Variants in PIK3C2G observed in about 807,000 individuals in gnomAD.
The protein encoded by PIK3C2G is phosphatidylinositol-4-phosphate 3-kinase catalytic subunit type 2 gamma, also known as phosphatidylinositol 3-kinase C2 domain-containing subunit gamma.
PIK3C2G carries 168 observed loss-of-function variants against 181.1 expected under a neutral mutation model. The observed-to-expected ratio is 0.93, with a 90% CI of 0.82 to 1.05. The LOEUF (loss-of-function observed/expected upper bound fraction) is 1.05, where lower values mean the gene tolerates loss of function less well. Ranked by LOEUF, PIK3C2G falls within the 50% of genes least tolerant of loss-of-function variation. PIK3C2G has a pLI of 0.00. For synonymous variants in PIK3C2G, 573 were observed against 592.2 expected (o/e 0.97, Z 0.47); for missense variants, 1,869 against 1,732.8 (o/e 1.08, Z -1.40).
chr12:18,502,675 A>G (rs1473017686), intron 22 of PIK3C2G, among the ~76,000 whole-genome samples: 1 of 152,098 alleles, frequency 6.6e-6, no homozygotes, highest in Non-Finnish European at 1.5e-5. Context: ...CAAAGTTCCT[A>G]TTGAAGTTCA....
At chr12:18,676,847 G>C in the PIK3C2G span, among the ~76,000 whole-genome samples, 1 of 152,080 alleles carries the variant, frequency 6.6e-6, no homozygotes, top group Non-Finnish European at 1.5e-5. Flanking sequence ...ACACATATAA[G>C]ATTGATCACA....
At chr12:18,538,969 G>A (rs1479437334) in intron 25 of PIK3C2G, among the ~76,000 whole-genome samples, 3 of 151,990 alleles carry the variant, frequency 2.0e-5, no homozygotes, top group African/African-American at 7.2e-5. Flanking sequence ...TCTTCTAGGA[G>A]AGGGATATAG....
At chr12:18,322,644 G>A (rs868150743) in intron 7 of PIK3C2G, among the ~76,000 whole-genome samples, 2 of 152,096 alleles carry the variant, frequency 1.3e-5, no homozygotes, top group African/African-American at 4.8e-5. Context: ...ATCAGTGGCA[G>A]GACTAAAATC....
rs540870280 is a variant in PIK3C2G, at chr12:18,648,000, G to A, written c.4433G>A (p.Trp1478Ter). Residue 1478 changes from tryptophan to a stop codon, truncating the protein, a stop_gained, in exon 33 of 33, where the codon TGG becomes TAG. Coordinates refer to ENST00000538779, the MANE Select transcript of PIK3C2G (RefSeq NM_001288772.2). LOFTEE classifies it high-confidence loss of function. ...LCSVPLDKEK[W>*]YPLGNSII ...AGTGTCCCACTCGATAAAGAAAAAT[G>A]GTATCCATTAGGAAACAGTATAATT... 6.3e-7 allele frequency: 1 copy of A among 1,597,602 alleles called. No homozygotes were observed. The highest frequency in any genetic ancestry group is 8.5e-7 in the Non-Finnish European group (1 of 1,170,790).
chr12:18,435,921 C>T (rs1157272271), intron 18 of PIK3C2G, among the ~76,000 whole-genome samples: 2 of 150,866 alleles, frequency 1.3e-5, no homozygotes, highest in Non-Finnish European at 2.9e-5. Context: ...CCTTCCTTCA[C>T]TTGAAGATAC....
chr12:18,499,955 T>C (rs1381457672), intron 22 of PIK3C2G, among the ~76,000 whole-genome samples: 3 of 152,042 alleles, frequency 2.0e-5, no homozygotes, highest in Non-Finnish European at 2.9e-5. Context: ...CACACTGCTA[T>C]AAATACCTGT....
the PIK3C2G span, chr12:18,712,874 C>A: frequency 6.2e-7 from 1 of 1,613,828 alleles, no homozygotes; most frequent in South Asian, 1.1e-5. Context: ...GCTTGGATAA[C>A]AGTTTTAAAC....
At chr12:18,673,995 G>T in the PIK3C2G span, among the ~76,000 whole-genome samples, 1 of 152,152 alleles carries the variant, frequency 6.6e-6, no homozygotes, top group Non-Finnish European at 1.5e-5. Context: ...TATTCTATTG[G>T]ATAAAAGCAG....
At chr12:18,510,835 T>A (rs1942158009) in intron 24 of PIK3C2G, among the ~76,000 whole-genome samples, 1 of 152,182 alleles carries the variant, frequency 6.6e-6, no homozygotes, top group Non-Finnish European at 1.5e-5. Context: ...TACCTATCAC[T>A]TTTTTATGGT....
chr12:18,414,975 A>G (rs1019850209), intron 16 of PIK3C2G, among the ~76,000 whole-genome samples: 8 of 152,220 alleles, frequency 5.3e-5, no homozygotes, highest in African/African-American at 1.9e-4. Flanking sequence ...AATAGTAATA[A>G]ATAAACAGAG....
intron 18 of PIK3C2G, among the ~76,000 whole-genome samples, chr12:18,436,034 A>G (rs1311962161): frequency 6.6e-6 from 1 of 151,920 alleles, no homozygotes; most frequent in Admixed American, 6.6e-5. Flanking sequence ...TTTATCTCAC[A>G]TAACAAGAAG....
intron 18 of PIK3C2G, among the ~76,000 whole-genome samples, chr12:18,438,724 T>C (rs1464520171): frequency 2.0e-5 from 3 of 151,734 alleles, no homozygotes; most frequent in African/African-American, 7.3e-5. Context: ...AATAATGTAA[T>C]AGAGGGAGAA....
At chr12:18,279,907 A>G (rs998882606) in intron 1 of PIK3C2G, among the ~76,000 whole-genome samples, 1 of 152,090 alleles carries the variant, frequency 6.6e-6, no homozygotes. Context: ...TACTGAATAT[A>G]TAAAGTATAA....
At chr12:18,651,192 G>A (rs1161023890), downstream of PIK3C2G, among the ~76,000 whole-genome samples, 1 of 151,764 alleles carries the variant, frequency 6.6e-6, no homozygotes, top group Non-Finnish European at 1.5e-5. Context: ...CTTCATCCCT[G>A]GGATCTTTGA....
chr12:18,491,407 T>C, intron 19 of PIK3C2G, 44 bp from the exon 20 acceptor site: 1 of 1,016,384 alleles, frequency 9.8e-7, no homozygotes, highest in Non-Finnish European at 1.5e-6. Flanking sequence ...AAAAGTCAAG[T>C]TCTTTACATT....
At chr12:18,433,681 A>G (rs1312967134) in intron 18 of PIK3C2G, among the ~76,000 whole-genome samples, 1 of 152,226 alleles carries the variant, frequency 6.6e-6, no homozygotes. Context: ...AGACTTTCTC[A>G]GTTTTCTCAA....
chr12:18,393,532 GA>G (rs200334101), intron 15 of PIK3C2G, among the ~76,000 whole-genome samples: 5 of 149,732 alleles, frequency 3.3e-5, no homozygotes, highest in Admixed American at 1.3e-4. Context: ...AATAAAAATT[GA>G]AAAAAAAACT....
At chr12:18,277,103 A>G (rs572757082) in intron 1 of PIK3C2G, among the ~76,000 whole-genome samples, 1 of 152,324 alleles carries the variant, frequency 6.6e-6, no homozygotes, top group South Asian at 2.1e-4. Flanking sequence ...CTCGATTCCA[A>G]ATTAGAAATG....
At chr12:18,245,243 G>A (rs563146737), upstream of PIK3C2G, among the ~76,000 whole-genome samples, 3 of 152,050 alleles carry the variant, frequency 2.0e-5, no homozygotes, top group African/African-American at 7.2e-5. Context: ...AACAACGTTC[G>A]ATCCTTCATG....
Sources: gnomAD v4.1 joint callset for allele counts (sites outside exome capture counted in the v4.1 genomes callset) on GRCh38, gnomAD v4.1.1 for gene constraint, MANE v1.5 for transcripts, NCBI Gene and HGNC (gene_info 2026-07-23, HGNC 2026-07-21) for gene names.